The following BAZ2B variants were observed in gnomAD, a reference collection of about 807,000 sequenced individuals.
The protein encoded by BAZ2B is bromodomain adjacent to zinc finger domain protein 2B.
Under a neutral mutation model 246.0 loss-of-function variants are expected in BAZ2B, and 91 were observed. The ratio of observed to expected loss-of-function variants is 0.37; its 90% confidence interval spans 0.31 to 0.44. The LOEUF is 0.44. Ranked by LOEUF, BAZ2B falls within the 20% of genes least tolerant of loss-of-function variation. BAZ2B has a pLI of 1.00. For synonymous variants in BAZ2B, 855 were observed against 860.0 expected, an observed-to-expected ratio of 0.99 and a Z score of 0.10; for missense variants, 2,332 against 2,533.7, an observed-to-expected ratio of 0.92 and a Z score of 1.71.
chr2:159,701,842 C>A, the BAZ2B span, among the ~76,000 whole-genome samples: 1 of 151,790 alleles, frequency 6.6e-6, no homozygotes, highest in African/African-American at 2.4e-5. Flanking sequence ...GATTCTCCTG[C>A]CTTAGCCTCC....
At chr2:159,425,234 G>A (rs1182557883) in intron 13 of BAZ2B, among the ~76,000 whole-genome samples, 1 of 152,200 alleles carries the variant, frequency 6.6e-6, no homozygotes, top group African/African-American at 2.4e-5. Flanking sequence ...AGGCTGGAGT[G>A]CAGTGGCCTG....
At chr2:159,484,586 T>C (rs1442626305) in intron 2 of BAZ2B, among the ~76,000 whole-genome samples, 4 of 152,236 alleles carry the variant, frequency 2.6e-5, no homozygotes, top group African/African-American at 9.6e-5. Flanking sequence ...ATGATGATTT[T>C]ATGTACTATA....
intron 2 of BAZ2B, among the ~76,000 whole-genome samples, chr2:159,552,399 G>A (rs541876212): frequency 6.6e-6 from 1 of 152,220 alleles, no homozygotes; most frequent in South Asian, 2.1e-4. Context: ...TAGATTTCAC[G>A]CCCATTGGTG....
intron 27 of BAZ2B, among the ~76,000 whole-genome samples, chr2:159,371,681 G>T (rs1444803420): frequency 6.6e-6 from 1 of 152,074 alleles, no homozygotes; most frequent in Non-Finnish European, 1.5e-5. Flanking sequence ...TTGCTCCCAG[G>T]TTATCTATTT....
At chr2:159,338,631 T>C (rs2148989017) in intron 31 of BAZ2B, among the ~76,000 whole-genome samples, 1 of 152,282 alleles carries the variant, frequency 6.6e-6, no homozygotes, top group South Asian at 2.1e-4. Context: ...CCTCAATCTA[T>C]CCCTTTTCAT....
At chr2:159,588,570 A>G (rs1688595220) in intron 1 of BAZ2B, among the ~76,000 whole-genome samples, 1 of 152,098 alleles carries the variant, frequency 6.6e-6, no homozygotes, top group African/African-American at 2.4e-5. Flanking sequence ...TTCCCCAATA[A>G]AGACAATTCT....
chr2:159,435,547 G>C (rs1396425122), intron 8 of BAZ2B: 2 of 152,232 alleles, frequency 1.3e-5, no homozygotes, highest in East Asian at 3.9e-4. Flanking sequence ...GTAAAGATGG[G>C]GTTTCACTAT....
At chr2:159,559,194 C>G (rs2089562215) in intron 1 of BAZ2B, among the ~76,000 whole-genome samples, 1 of 151,886 alleles carries the variant, frequency 6.6e-6, no homozygotes, top group African/African-American at 2.4e-5. Context: ...GCAGTGAGCT[C>G]TGATCGTACT....
intron 13 of BAZ2B, among the ~76,000 whole-genome samples, chr2:159,425,225 G>A (rs541269796): frequency 6.6e-6 from 1 of 152,226 alleles, no homozygotes; most frequent in African/African-American, 2.4e-5. Flanking sequence ...CTGTCGCCCA[G>A]GCTGGAGTGC....
chr2:159,553,010 G>A (rs768537469), intron 2 of BAZ2B, among the ~76,000 whole-genome samples: 20 of 152,144 alleles, frequency 1.3e-4, no homozygotes, highest in Non-Finnish European at 2.4e-4. Context: ...TAGCATGAAT[G>A]TAAGTGTGGA....
intron 13 of BAZ2B, among the ~76,000 whole-genome samples, chr2:159,424,543 G>A (rs2069410660): frequency 6.6e-6 from 1 of 152,014 alleles, no homozygotes; most frequent in African/African-American, 2.4e-5. Context: ...TATGTGTTAA[G>A]TAAAATTAGA....
chr2:159,622,971 CA>C, the BAZ2B span, among the ~76,000 whole-genome samples: 9,029 of 70,416 alleles, frequency 0.13, 298 homozygotes, highest in Middle Eastern at 0.36. Flanking sequence ...GACCCTGTCT[CA>C]AAAAAAAAAA....
rs1381818967 is a variant in BAZ2B at position 159,446,738 on chromosome 2, A to C, written c.696+44T>G. On this transcript the variant is annotated intron_variant, in intron 6 of 36. Transcript: ENST00000392783. ...ATTTGACCTTCAGAATGCTCATCTT[A>C]TATATAGATCTGTTATATATTAGTC... 2.0e-6 allele frequency: 3 copies of C among 1,488,026 alleles called. No individual in the cohort carries two copies. In the East Asian group the frequency reaches 6.9e-5, roughly 34 times the overall value. The allele number at this position is 1,488,026 out of a possible 1,614,324, so 92.2% of individuals were successfully genotyped here.
At chr2:159,679,920 G>A in the BAZ2B span, among the ~76,000 whole-genome samples, 1 of 152,192 alleles carries the variant, frequency 6.6e-6, no homozygotes, top group African/African-American at 2.4e-5. Flanking sequence ...ACAGTTCTAG[G>A]CAGTAATTAC....
upstream of BAZ2B, among the ~76,000 whole-genome samples, chr2:159,618,998 T>C (rs560262318): frequency 3.3e-4 from 50 of 152,106 alleles, no homozygotes; most frequent in Non-Finnish European, 6.3e-4. Flanking sequence ...CATAATGATA[T>C]GTAATTTACA....
intron 2 of BAZ2B, among the ~76,000 whole-genome samples, chr2:159,492,239 C>T (rs1480114486): frequency 2.0e-5 from 3 of 152,142 alleles, no homozygotes; most frequent in African/African-American, 7.2e-5. Context: ...ATATCAAATC[C>T]TTCCTATGCT....
chr2:159,702,184 T>A, the BAZ2B span, among the ~76,000 whole-genome samples: 4 of 152,246 alleles, frequency 2.6e-5, no homozygotes, highest in African/African-American at 9.6e-5. Context: ...AAAGCTTCTA[T>A]TCAATGTCTA....
chr2:159,708,569 ATTT>A, the BAZ2B span, among the ~76,000 whole-genome samples: 2 of 50,926 alleles, frequency 3.9e-5, no homozygotes, highest in Non-Finnish European at 8.8e-5. Flanking sequence ...TTATTTATTT[ATTT>A]ATTTATTTCT....
At chr2:159,536,501 T>C (rs1267334101) in intron 2 of BAZ2B, among the ~76,000 whole-genome samples, 3 of 152,172 alleles carry the variant, frequency 2.0e-5, no homozygotes, top group Non-Finnish European at 4.4e-5. Flanking sequence ...GCATACCATG[T>C]GTGTTAGTGA....
Sources: gnomAD v4.1 joint callset for allele counts (sites outside exome capture counted in the v4.1 genomes callset) on GRCh38, gnomAD v4.1.1 for gene constraint, MANE v1.5 for transcripts, NCBI Gene and HGNC (gene_info 2026-07-23, HGNC 2026-07-21) for gene names.